LRRC37A2: variants seen among roughly 807,000 people sequenced by gnomAD.
LRRC37A2 encodes leucine-rich repeat-containing protein 37A2.
LRRC37A2 carries 9 observed loss-of-function variants against 68.8 expected under a neutral mutation model. The ratio of observed to expected loss-of-function variants is 0.13; its 90% CI spans 0.08 to 0.23. The LOEUF is 0.23. LRRC37A2 is among the 10% of genes least tolerant of loss of function. The pLI, the probability that LRRC37A2 is intolerant of heterozygous loss-of-function variation, is 1.00. For synonymous variants in LRRC37A2, 63 were observed against 367.6 expected, an observed-to-expected ratio of 0.17 and a Z score of 9.48; for missense variants, 168 against 950.4, an observed-to-expected ratio of 0.18 and a Z score of 10.82.
At chr17:46,804,362 C>T in the LRRC37A2 span, among the ~76,000 whole-genome samples, 3 of 152,228 alleles carry the variant, frequency 2.0e-5, no homozygotes, top group Admixed American at 2.0e-4. Flanking sequence ...GCTGGGACTA[C>T]AGGCGCAAGC....
chr17:47,014,654 G>C, the LRRC37A2 span, among the ~76,000 whole-genome samples: 15 of 151,664 alleles, frequency 9.9e-5, no homozygotes, highest in Non-Finnish European at 1.5e-4. Flanking sequence ...ACACAGGAGA[G>C]GGGTTAGTCT....
At chr17:46,949,621 T>C in the LRRC37A2 span, among the ~76,000 whole-genome samples, 2 of 152,118 alleles carry the variant, frequency 1.3e-5, no homozygotes, top group Non-Finnish European at 2.9e-5. Flanking sequence ...TGGGAAGACA[T>C]ACATGAGCAT....
At chr17:46,888,741 T>C in the LRRC37A2 span, among the ~76,000 whole-genome samples, 1 of 152,116 alleles carries the variant, frequency 6.6e-6, no homozygotes, top group African/African-American at 2.4e-5. Flanking sequence ...ACTCTCTCCC[T>C]GCCCCAGACC....
the LRRC37A2 span, among the ~76,000 whole-genome samples, chr17:46,622,385 G>T: frequency 2.7e-5 from 4 of 150,574 alleles, 1 homozygote; most frequent in East Asian, 7.8e-4. Flanking sequence ...GTGAACCCGG[G>T]AGGCGGAGCT....
the LRRC37A2 span, among the ~76,000 whole-genome samples, chr17:46,776,976 G>A: frequency 1.3e-5 from 2 of 152,096 alleles, no homozygotes; most frequent in Admixed American, 6.5e-5. Flanking sequence ...AGCTAAACTG[G>A]AGGCTGAGCC....
chr17:46,525,807 CA>C (rs1194533486), intron 6 of LRRC37A2, among the ~76,000 whole-genome samples: 1 of 87,776 alleles, frequency 1.1e-5, no homozygotes, highest in Admixed American at 1.1e-4. Flanking sequence ...CTCAAAGACA[CA>C]CCAAGATGAG....
the LRRC37A2 span, among the ~76,000 whole-genome samples, chr17:46,841,597 A>G: frequency 6.6e-6 from 1 of 152,278 alleles, no homozygotes; most frequent in South Asian, 2.1e-4. Flanking sequence ...GGCTTCGGAG[A>G]AGGGAGCGCT....
the LRRC37A2 span, among the ~76,000 whole-genome samples, chr17:46,714,244 G>A: frequency 6.6e-6 from 1 of 152,054 alleles, no homozygotes; most frequent in South Asian, 2.1e-4. Context: ...GCCTAGTTTT[G>A]TATCAATTTG....
At chr17:46,871,830 C>T in the LRRC37A2 span, among the ~76,000 whole-genome samples, 2 of 152,220 alleles carry the variant, frequency 1.3e-5, no homozygotes, top group Non-Finnish European at 2.9e-5. Context: ...TCAGTCCTTC[C>T]TTCCTTCCCT....
At chr17:47,044,035 G>A in the LRRC37A2 span, among the ~76,000 whole-genome samples, 1 of 102,490 alleles carries the variant, frequency 9.8e-6, no homozygotes, top group Non-Finnish European at 2.0e-5. Flanking sequence ...ACAAGAGTGA[G>A]ACTCCATCTC....
the LRRC37A2 span, among the ~76,000 whole-genome samples, chr17:46,917,899 TAAAGAG>T: frequency 6.6e-6 from 1 of 152,178 alleles, no homozygotes; most frequent in Admixed American, 6.5e-5. Context: ...GACAATAACA[TAAAGAG>T]ATAGTTCCTG....
chr17:46,853,362 A>AC, the LRRC37A2 span, among the ~76,000 whole-genome samples: 2 of 84,452 alleles, frequency 2.4e-5, no homozygotes, highest in Non-Finnish European at 4.3e-5. Context: ...AATGCTAGTG[A>AC]CTTTTTTTTT....
chr17:47,030,061 T>C, the LRRC37A2 span, among the ~76,000 whole-genome samples: 1 of 98,590 alleles, frequency 1.0e-5, no homozygotes, highest in East Asian at 2.6e-4. Context: ...AGACTCTGTC[T>C]CAAATAATAA....
intron 11 of LRRC37A2, among the ~76,000 whole-genome samples, chr17:46,551,174 A>G (rs1166543806): frequency 1.3e-5 from 2 of 149,412 alleles, no homozygotes; most frequent in Admixed American, 6.6e-5. Flanking sequence ...ATTCCCCCTC[A>G]GATTAGAGAT....
chr17:46,719,207 A>G, the LRRC37A2 span, among the ~76,000 whole-genome samples: 1 of 152,214 alleles, frequency 6.6e-6, no homozygotes, highest in Non-Finnish European at 1.5e-5. The surrounding 1 kb of genome is among the most constrained non-coding windows in gnomAD (Gnocchi z 4.3). Flanking sequence ...TTGCAATGAC[A>G]ATAGTCTGTG....
At chr17:46,991,509 T>C in the LRRC37A2 span, among the ~76,000 whole-genome samples, 1 of 151,882 alleles carries the variant, frequency 6.6e-6, no homozygotes, top group Non-Finnish European at 1.5e-5. Context: ...ACCCCTGTAA[T>C]CCCAGCTACT....
the LRRC37A2 span, among the ~76,000 whole-genome samples, chr17:46,781,379 C>T: frequency 3.5e-4 from 52 of 150,324 alleles, no homozygotes; most frequent in Non-Finnish European, 6.0e-4. Context: ...GGTAAAGACA[C>T]GCCAGCTTAG....
At chr17:46,671,924 G>A in the LRRC37A2 span, among the ~76,000 whole-genome samples, 1 of 144,492 alleles carries the variant, frequency 6.9e-6, no homozygotes, top group South Asian at 2.1e-4. Context: ...GCTCAGCTAT[G>A]AGAATAAGCA....
chr17:46,919,601 G>C, the LRRC37A2 span, among the ~76,000 whole-genome samples: 2 of 152,124 alleles, frequency 1.3e-5, no homozygotes, highest in Non-Finnish European at 2.9e-5. Context: ...TTTTCTGATA[G>C]CTTCCAACTA....
Sources: gnomAD v4.1 joint callset for allele counts (sites outside exome capture counted in the v4.1 genomes callset) on GRCh38, gnomAD v4.1.1 for gene constraint, Gnocchi (gnomAD v3.1) non-coding constraint, MANE v1.5 for transcripts, NCBI Gene and HGNC (gene_info 2026-07-23, HGNC 2026-07-21) for gene names.